Variants in AJAP1 observed in about 807,000 individuals in gnomAD.
AJAP1 encodes adherens junctions associated protein 1.
In AJAP1, 5 loss-of-function variants were observed where a neutral mutation model predicts 35.0. The ratio of observed to expected loss-of-function variants is 0.14; its 90% CI spans 0.07 to 0.30. The LOEUF (loss-of-function observed/expected upper bound fraction) is 0.30. Ranked by LOEUF, AJAP1 falls within the 10% of genes least tolerant of loss-of-function variation. The pLI is 1.00. For synonymous variants in AJAP1, 284 were observed against 249.3 expected (o/e 1.14, Z -1.31); for missense variants, 586 against 571.0 (o/e 1.03, Z -0.27).
intron 1 of AJAP1, among the ~76,000 whole-genome samples, chr1:4,673,377 C>G (rs1242831470): frequency 6.6e-6 from 1 of 152,178 alleles, no homozygotes; most frequent in East Asian, 1.9e-4. Flanking sequence ...TCTTTCCCGT[C>G]CCCTCCCCTG....
At chr1:4,747,425 G>A (rs910162514) in intron 2 of AJAP1, among the ~76,000 whole-genome samples, 1 of 152,128 alleles carries the variant, frequency 6.6e-6, no homozygotes, top group Non-Finnish European at 1.5e-5. Context: ...GTTGGCCAGG[G>A]CCTCCTCCTC....
intron 2 of AJAP1, among the ~76,000 whole-genome samples, chr1:4,719,403 G>A (rs764190291): frequency 1.3e-5 from 2 of 152,178 alleles, no homozygotes; most frequent in Non-Finnish European, 1.5e-5. Flanking sequence ...AGGTAAGGAT[G>A]GTAGAGGAAA....
intron 1 of AJAP1, among the ~76,000 whole-genome samples, chr1:4,696,279 C>A (rs1038058156): frequency 5.3e-5 from 8 of 152,182 alleles, no homozygotes; most frequent in African/African-American, 1.9e-4. Context: ...AGCACCAGGG[C>A]TTGCTGGAAA....
At chr1:4,673,532 C>T (rs937614052) in intron 1 of AJAP1, among the ~76,000 whole-genome samples, 3 of 152,292 alleles carry the variant, frequency 2.0e-5, no homozygotes, top group Admixed American at 6.5e-5. Context: ...TCTGGGGACC[C>T]GGTATGGTGC....
intron 2 of AJAP1, among the ~76,000 whole-genome samples, chr1:4,760,519 T>G (rs547492799): frequency 6.6e-6 from 1 of 152,194 alleles, no homozygotes; most frequent in Non-Finnish European, 1.5e-5. Flanking sequence ...TGCTGCTGCC[T>G]GTCACGGAGC....
chr1:4,679,581 T>G (rs1028020622), intron 1 of AJAP1, among the ~76,000 whole-genome samples: 3 of 152,176 alleles, frequency 2.0e-5, no homozygotes, highest in Non-Finnish European at 2.9e-5. Context: ...ATCAAGGTGT[T>G]GGCAGGGCCA....
At chr1:4,658,662 C>T (rs1055374273) in intron 1 of AJAP1, among the ~76,000 whole-genome samples, 2 of 152,238 alleles carry the variant, frequency 1.3e-5, no homozygotes, top group South Asian at 4.1e-4. Context: ...GTACATACCC[C>T]CCTTTCATGC....
intron 1 of AJAP1, among the ~76,000 whole-genome samples, chr1:4,697,655 G>A (rs1446034367): frequency 6.6e-6 from 1 of 152,244 alleles, no homozygotes; most frequent in East Asian, 1.9e-4. Context: ...ACCTTGGGCA[G>A]GTGCGCCACC....
Position 4,655,524 on chromosome 1 carries a change from C to T in AJAP1, c.29+70C>T, listed in dbSNP as rs1206132263. The T allele has an allele frequency of 1.4e-5, 22 of 1,523,882 alleles. 1 individual carries two copies. The South Asian group carries it at 1.5e-4, about 11-fold the overall frequency. The allele number at this position is 1,523,882 out of a possible 1,614,324, so 94.4% of individuals were successfully genotyped here. On this transcript the variant is annotated intron_variant, in intron 1 of 5. Coordinates refer to ENST00000378191, the MANE Select transcript of AJAP1 (RefSeq NM_018836.4). This position sits in a 1 kb window ranked among gnomAD's most constrained non-coding sequence, Gnocchi z 6.9. ...CCAGGCTGGGCGGAAGCGGCGCTTT[C>T]CTCTATGTTGCAAATCAAGGGACCC... is the stretch of plus-strand genomic sequence containing the variant.
intron 2 of AJAP1, among the ~76,000 whole-genome samples, chr1:4,722,552 TG>T (rs1640546852): frequency 6.6e-6 from 1 of 152,246 alleles, no homozygotes; most frequent in Non-Finnish European, 1.5e-5. Context: ...ACAGTCTGCA[TG>T]GTTTAAACAG....
intron 1 of AJAP1, among the ~76,000 whole-genome samples, chr1:4,673,974 CA>C (rs1481536068): frequency 8.6e-6 from 1 of 116,106 alleles, no homozygotes; most frequent in African/African-American, 3.4e-5. Flanking sequence ...CAATTTCAGA[CA>C]AACAAATGTA....
At chr1:4,661,044 CATG>C (rs1439054537) in intron 1 of AJAP1, among the ~76,000 whole-genome samples, 1 of 152,120 alleles carries the variant, frequency 6.6e-6, no homozygotes, top group Non-Finnish European at 1.5e-5. Flanking sequence ...ATCAGGGAAA[CATG>C]AGCCTCAAGC....
chr1:4,724,244 A>G (rs1640596978), intron 2 of AJAP1, among the ~76,000 whole-genome samples: 1 of 152,094 alleles, frequency 6.6e-6, no homozygotes, highest in Admixed American at 6.5e-5. Context: ...GGGATGAGGA[A>G]GGCTCAAGGA....
chr1:4,665,447 G>T (rs1639095458), intron 1 of AJAP1, among the ~76,000 whole-genome samples: 1 of 152,112 alleles, frequency 6.6e-6, no homozygotes, highest in African/African-American at 2.4e-5. Flanking sequence ...ACAGCTCCAG[G>T]TTCCTTCTTC....
intron 2 of AJAP1, among the ~76,000 whole-genome samples, chr1:4,768,384 C>G (rs1315998269): frequency 6.6e-6 from 1 of 152,196 alleles, no homozygotes; most frequent in Non-Finnish European, 1.5e-5. Flanking sequence ...AAATTACCCC[C>G]AGAGAGGGGG....
intron 1 of AJAP1, among the ~76,000 whole-genome samples, chr1:4,707,212 T>C (rs1019589045): frequency 6.6e-6 from 1 of 152,190 alleles, no homozygotes; most frequent in African/African-American, 2.4e-5. Flanking sequence ...TGCCACGCCA[T>C]GCACTCCACA....
chr1:4,735,071 G>A (rs1640886466), intron 2 of AJAP1, among the ~76,000 whole-genome samples: 1 of 152,216 alleles, frequency 6.6e-6, no homozygotes, highest in Non-Finnish European at 1.5e-5. Flanking sequence ...GGCGACCCTT[G>A]AGGGTGATAG....
intron 2 of AJAP1, among the ~76,000 whole-genome samples, chr1:4,747,691 T>G (rs1388824653): frequency 6.6e-6 from 1 of 152,202 alleles, no homozygotes. Context: ...CGACCTCAGA[T>G]GAAAGCTTCC....
intron 2 of AJAP1, among the ~76,000 whole-genome samples, chr1:4,747,682 G>A (rs1164515454): frequency 3.9e-5 from 6 of 152,148 alleles, no homozygotes; most frequent in South Asian, 2.1e-4. Flanking sequence ...CACAATTGCC[G>A]ACCTCAGATG....
Sources: allele counts gnomAD v4.1 joint callset (sites outside exome capture counted in the v4.1 genomes callset), GRCh38; gene constraint gnomAD v4.1.1; non-coding constraint Gnocchi (gnomAD v3.1); transcripts MANE v1.5; gene names NCBI Gene and HGNC (gene_info 2026-07-23, HGNC 2026-07-21).